The following XDH variants were observed in gnomAD, a reference collection of about 807,000 sequenced individuals.
The protein encoded by XDH is xanthine dehydrogenase/oxidase.
In XDH, 138 loss-of-function variants were observed where a neutral mutation model predicts 156.1. The ratio of observed to expected loss-of-function variants is 0.88; its 90% confidence interval spans 0.77 to 1.02. The LOEUF is 1.02. Ranked by LOEUF, XDH falls within the 50% of genes least tolerant of loss-of-function variation. The pLI, the probability that XDH is intolerant of heterozygous loss-of-function variation, is 0.00. For synonymous variants in XDH, 669 were observed against 625.7 expected (o/e 1.07, Z -1.03); for missense variants, 1,849 against 1,684.9 (o/e 1.10, Z -1.71).
chr2:31,369,241 T>A (rs1240451439), intron 18 of XDH, among the ~76,000 whole-genome samples: 1 of 152,150 alleles, frequency 6.6e-6, no homozygotes, highest in Non-Finnish European at 1.5e-5. Flanking sequence ...ACTTTAAGTA[T>A]CATGTCTTAT....
At chr2:31,351,697 C>T (rs1244227049) in intron 24 of XDH, among the ~76,000 whole-genome samples, 1 of 152,196 alleles carries the variant, frequency 6.6e-6, no homozygotes. Flanking sequence ...CAAAGAGGAA[C>T]ATCTTTGACA....
chr2:31,348,877 C>T (rs769827120), intron 27 of XDH, 22 bp downstream of exon 27: 1 of 1,604,972 alleles, frequency 6.2e-7, no homozygotes. Context: ...CGGAGATGGA[C>T]ACAATTCTAT....
chr2:31,369,361 G>T (rs1323326352), intron 18 of XDH, among the ~76,000 whole-genome samples: 1 of 152,012 alleles, frequency 6.6e-6, no homozygotes, highest in African/African-American at 2.4e-5. Context: ...GTTTTATTTT[G>T]TTTAATAATT....
intron 4 of XDH, among the ~76,000 whole-genome samples, chr2:31,400,775 G>A (rs1687036862): frequency 6.6e-6 from 1 of 152,242 alleles, no homozygotes; most frequent in Admixed American, 6.5e-5. Flanking sequence ...ACTATCTGCG[G>A]GTGGGAGGTA....
At chr2:31,392,583 C>T (rs1044772122) in intron 6 of XDH, among the ~76,000 whole-genome samples, 1 of 151,976 alleles carries the variant, frequency 6.6e-6, no homozygotes, top group Non-Finnish European at 1.5e-5. Flanking sequence ...TGCCACCATG[C>T]CTGGCTAATT....
Position 31,346,785 on chromosome 2 carries a change from C to A in XDH, c.3335G>T (p.Gly1112Val), listed in dbSNP as rs1208778674. 1 of 1,614,150 alleles carries A rather than the reference C, an allele frequency of 6.2e-7. No homozygotes were observed. Among genetic ancestry groups the A allele is most frequent in the Non-Finnish European group, 8.5e-7 (1 of 1,180,034 alleles). ...CAGACTTACCCAGTCTTCCCAGGAG[C>A]CACTGGGATTCTTCTTCTTGTAGGG... ...LEPYKKKNPS[G>V]SWEDWVTAAY... Residue 1112 changes from glycine to valine, a missense_variant, in exon 30 of 36, where the codon GGC becomes GTC. Transcript: ENST00000379416.
rs200635805 is a variant in XDH, at chr2:31,368,628, C to T, written c.2013G>A (p.Val671=). The stretch of plus-strand genomic sequence containing the variant: ...GTGTGTGTTCCGGGGTGTCAGCAAC[C>T]ACAGCACCAATGATATGCCCAACAC... ...VTCVGHIIGA[V]VADTPEHTQR... The change falls in exon 19 of 36, where the codon GTG becomes GTA. Residue 671 remains valine, a synonymous_variant. Coordinates refer to ENST00000379416, the MANE Select transcript of XDH (RefSeq NM_000379.4). The T allele has an allele frequency of 1.2e-3, 1,971 of 1,614,184 alleles. 36 individuals carry two copies. In the South Asian group the frequency reaches 0.02, roughly 16 times the overall value.
chr2:31,388,457 C>T (rs765653093), intron 6 of XDH, among the ~76,000 whole-genome samples, 162 bp from the exon 7 acceptor site: 4 of 152,190 alleles, frequency 2.6e-5, no homozygotes, highest in African/African-American at 4.8e-5. Context: ...TGGAGGCCTC[C>T]GCTACATTCC....
At chr2:31,402,214 T>C (rs1409725165) in intron 3 of XDH, among the ~76,000 whole-genome samples, 1 of 152,134 alleles carries the variant, frequency 6.6e-6, no homozygotes, top group African/African-American at 2.4e-5. Context: ...AACTTATAAC[T>C]ATAGTACTAG....
chr2:31,374,056 T>C, intron 15 of XDH, 100 bp from the exon 16 acceptor site: 1 of 1,218,868 alleles, frequency 8.2e-7, no homozygotes, highest in Non-Finnish European at 1.2e-6. Context: ...ACTGATCCCC[T>C]TGTCTCTTCA....
intron 9 of XDH, among the ~76,000 whole-genome samples, chr2:31,385,877 T>C (rs981409804): frequency 6.6e-6 from 1 of 152,048 alleles, no homozygotes; most frequent in Non-Finnish European, 1.5e-5. Flanking sequence ...GGTGGTGGGG[T>C]CAAAAGCGAC....
Position 31,346,777 on chromosome 2 carries a change from C to T in XDH, c.3343G>A (p.Glu1115Lys). 2 of 1,614,188 alleles carry T rather than the reference C, an allele frequency of 1.2e-6. No homozygotes were observed. The highest frequency in any genetic ancestry group is 1.7e-6 in the Non-Finnish European group (2 of 1,180,036). Reference sequence around the variant, plus strand: ...GATCAGCTCAGACTTACCCAGTCTTCCCAGGAGCCACTGGGATTCTTCTTC... The same window carrying T: ...GATCAGCTCAGACTTACCCAGTCTTTCCAGGAGCCACTGGGATTCTTCTTC... ...YKKKNPSGSW[E>K]DWVTAAYMDT... Residue 1115 changes from glutamate (E) to lysine (K), a missense_variant, in exon 30 of 36, where the codon GAA becomes AAA. Glu to Lys is a moderately conservative substitution (Grantham distance 56). Coordinates refer to ENST00000379416, the MANE Select transcript of XDH (RefSeq NM_000379.4).
At chr2:31,410,298 G>A (rs746896046) in intron 1 of XDH, among the ~76,000 whole-genome samples, 8 of 152,140 alleles carry the variant, frequency 5.3e-5, no homozygotes, top group Non-Finnish European at 7.4e-5. Context: ...GAGGTGGACG[G>A]TGATGATGGT....
At position 31,366,072 on chromosome 2, in the gene XDH, C is replaced by T. The variant is rs149717617; in HGVS notation, c.2360G>A (p.Arg787Gln). The change falls in exon 22 of 36, where the codon CGG (arginine) becomes CAG (glutamine). Residue 787 changes from arginine to glutamine, a missense_variant. Coordinates refer to ENST00000379416, the MANE Select transcript of XDH (RefSeq NM_000379.4). Reference protein sequence around the residue: ...VAKMLGVPANRIVVRVKRMGG... With the variant: ...VAKMLGVPANQIVVRVKRMGG... ...CATTCTCTTCACTCGAACCACAATC[C>T]GGTTTGCTGGAACCCCCAACATTTT... 2.2e-4 allele frequency: 349 copies of T among 1,614,082 alleles called. No individual in the cohort carries two copies. Among genetic ancestry groups the T allele is most frequent in the Admixed American group, 4.0e-4 (24 of 59,998 alleles).
intron 6 of XDH, among the ~76,000 whole-genome samples, chr2:31,388,630 C>T (rs1017407676): frequency 2.0e-5 from 3 of 152,182 alleles, no homozygotes; most frequent in Non-Finnish European, 2.9e-5. Flanking sequence ...CCTCAGGAAG[C>T]GTCTATGAGG....
At chr2:31,377,405 G>T (rs1293386645) in intron 13 of XDH, among the ~76,000 whole-genome samples, 168 bp from the exon 14 acceptor site, 1 of 151,988 alleles carries the variant, frequency 6.6e-6, no homozygotes, top group Non-Finnish European at 1.5e-5. Context: ...ATTACCACCT[G>T]TTTAGGAGAG....
intron 14 of XDH, among the ~76,000 whole-genome samples, chr2:31,376,802 C>T (rs1252920484): frequency 8.1e-6 from 1 of 123,024 alleles, no homozygotes; most frequent in Non-Finnish European, 1.7e-5. Context: ...GTAGTAGCAG[C>T]AATGGTAATA....
At position 31,335,978 on chromosome 2, in the gene XDH, G is replaced by C. The variant is rs531030273; in HGVS notation, c.3982C>G (p.Pro1328Ala). ...TCTCTTTAGACCCTCACAGACCAGG[G>C]TTTGCAGTTTTCTGGGACACCAGTG... ...CVTGVPENCKPWSVRV is the reference protein window; with the variant it reads ...CVTGVPENCKAWSVRV Residue 1328 changes from proline (P) to alanine (A), a missense_variant, in exon 36 of 36, where the codon CCC becomes GCC. Physicochemically the swap from Pro to Ala is conservative, Grantham distance 27. Coordinates refer to ENST00000379416, the MANE Select transcript of XDH (RefSeq NM_000379.4). The C allele has an allele frequency of 6.2e-7, 1 of 1,614,210 alleles. No individual in the cohort carries two copies. The highest frequency in any genetic ancestry group is 8.5e-7 in the Non-Finnish European group (1 of 1,180,048).
At chr2:31,413,949 C>T (rs1344971189) in intron 1 of XDH, among the ~76,000 whole-genome samples, 1 of 152,058 alleles carries the variant, frequency 6.6e-6, no homozygotes, top group Non-Finnish European at 1.5e-5. Flanking sequence ...TGTCACCTTC[C>T]CTAAGTCCCT....
Sources: allele counts gnomAD v4.1 joint callset (sites outside exome capture counted in the v4.1 genomes callset), GRCh38; gene constraint gnomAD v4.1.1; transcripts MANE v1.5; gene names NCBI Gene and HGNC (gene_info 2026-07-23, HGNC 2026-07-21).